Variants in DNAH11 observed in about 807,000 individuals in gnomAD.
The protein encoded by DNAH11 is dynein axonemal heavy chain 11, also known as axonemal beta dynein heavy chain 11.
In DNAH11, 442 loss-of-function variants were observed where a neutral mutation model predicts 526.0. The observed-to-expected ratio is 0.84, with a 90% CI of 0.78 to 0.91. The LOEUF (loss-of-function observed/expected upper bound fraction) is 0.91, where lower values mean the gene tolerates loss of function less well. DNAH11 is among the 40% of genes least tolerant of loss of function. The pLI is 0.00. For missense variants in DNAH11, 6,989 were observed against 5,448.7 expected (o/e 1.28, Z -8.90); for synonymous variants, 2,461 against 1,935.9 (o/e 1.27, Z -7.12).
chr7:21,870,673 A>G lies in DNAH11; in HGVS notation c.11967+1682A>G, dbSNP rs558032049. ...AATAAACTATTTCCATTACTTTTGT[A>G]TCTGTGCTGAGCTATTTGTTGCCCC... On this transcript the variant is annotated intron_variant, in intron 73 of 81. Transcript: ENST00000409508. 1.4e-3 allele frequency among the ~76,000 whole-genome samples: 218 copies of G among 152,300 alleles called. 1 individual carries two copies. Among genetic ancestry groups the G allele is most frequent in the Middle Eastern group, 0.01 (3 of 294 alleles).
intron 68 of DNAH11, among the ~76,000 whole-genome samples, chr7:21,859,782 C>T (rs1220754018): frequency 6.6e-6 from 1 of 152,036 alleles, no homozygotes; most frequent in Non-Finnish European, 1.5e-5. Flanking sequence ...ACGCCATTAT[C>T]ACCAAGGCAT....
chr7:21,841,572 A>G (rs1782204737), intron 65 of DNAH11, among the ~76,000 whole-genome samples: 1 of 151,392 alleles, frequency 6.6e-6, no homozygotes, highest in African/African-American at 2.5e-5. Flanking sequence ...GGTGAGCTGG[A>G]ATGTCTATAT....
intron 61 of DNAH11, 112 bp from the exon 62 acceptor site, chr7:21,801,025 A>AT: frequency 8.8e-7 from 1 of 1,138,968 alleles, no homozygotes; most frequent in Non-Finnish European, 1.3e-6. Context: ...GCAAAGGTTA[A>AT]TGGGGGGAAG....
chr7:21,615,272 A>G lies in DNAH11; in HGVS notation c.4011A>G (p.Arg1337=). The G allele has an allele frequency of 6.2e-7, 1 of 1,609,770 alleles. No individual in the cohort carries two copies. The highest frequency in any genetic ancestry group is 8.5e-7 in the Non-Finnish European group (1 of 1,177,816). Residue 1337 remains arginine (R), a splice_region_variant and synonymous_variant, in exon 21 of 82, where the codon CGA becomes CGG. Coordinates refer to ENST00000409508, the MANE Select transcript of DNAH11 (RefSeq NM_001277115.2). ...TGTGGGATGTCATTATTTATGTTCG[A>G]GTAAGATGTGCTTTTTCAAAACATG... is the stretch of plus-strand genomic sequence containing the variant. ...KGLWDVIIYV[R]RSIDNWTKTQ...
At chr7:21,688,303 A>G (rs992554423) in intron 34 of DNAH11, among the ~76,000 whole-genome samples, 8 of 152,180 alleles carry the variant, frequency 5.3e-5, no homozygotes, top group Non-Finnish European at 4.4e-5. Flanking sequence ...GACTACTGTG[A>G]TGATTAAATG....
At chr7:21,550,389 G>T (rs1782976126) in intron 2 of DNAH11, among the ~76,000 whole-genome samples, 1 of 152,124 alleles carries the variant, frequency 6.6e-6, no homozygotes, top group African/African-American at 2.4e-5. Flanking sequence ...TGGAGTATAT[G>T]GCCAGTATAT....
Position 21,739,472 on chromosome 7 carries a change from A to T in DNAH11, c.7812-99A>T, listed in dbSNP as rs977332130. The T allele has an allele frequency of 2.7e-5, 22 of 806,070 alleles. No individual in the cohort carries two copies. In the Admixed American group the frequency reaches 4.5e-4, roughly 16 times the overall value. 49.9% of individuals were successfully genotyped at this position (806,070 alleles called of 1,614,324 possible). A position where few individuals can be genotyped will look rare whatever the true frequency, so the allele number is the denominator to read the frequency against. On this transcript the variant is annotated intron_variant, in intron 47 of 81. Coordinates refer to ENST00000409508, the MANE Select transcript of DNAH11 (RefSeq NM_001277115.2). Reference sequence around the variant, plus strand: ...AACCTCACAGAGTGATTATGAAGATAAGGAGGTAATCTGCGATGAAGACCT... The same window carrying T: ...AACCTCACAGAGTGATTATGAAGATTAGGAGGTAATCTGCGATGAAGACCT...
chr7:21,551,013 G>A (rs891944399), intron 2 of DNAH11, among the ~76,000 whole-genome samples: 8 of 152,086 alleles, frequency 5.3e-5, no homozygotes, highest in Admixed American at 5.2e-4. Context: ...TATTTAGTGA[G>A]GGTATAAATC....
chr7:21,852,675 C>G (rs764603135), intron 67 of DNAH11, 44 bp downstream of exon 67: 2 of 1,518,104 alleles, frequency 1.3e-6, no homozygotes, highest in Non-Finnish European at 1.8e-6. Flanking sequence ...ATGCTCTGTT[C>G]GAATGAGACA....
rs375285611 is a variant in DNAH11 at position 21,689,845 on chromosome 7, T to C, written c.5925-920T>C. On this transcript the variant is annotated intron_variant, in intron 34 of 81. Transcript: ENST00000409508. The stretch of plus-strand genomic sequence containing the variant: ...TCAGCAATGCAAGAGATCAGCCTTA[T>C]ATTTTGTCTCGTTTACCCTCATTTG... 2.8e-4 allele frequency among the ~76,000 whole-genome samples: 42 copies of C among 152,326 alleles called. 1 individual carries two copies. The East Asian group carries it at 7.7e-3, about 28-fold the overall frequency.
intron 65 of DNAH11, among the ~76,000 whole-genome samples, chr7:21,825,647 G>T: frequency 1.3e-5 from 2 of 150,582 alleles, no homozygotes; most frequent in African/African-American, 2.4e-5. Context: ...ATTTTTGAAT[G>T]AACAAATTGA....
intron 6 of DNAH11, among the ~76,000 whole-genome samples, chr7:21,566,405 T>G (rs905038155): frequency 1.3e-5 from 2 of 152,192 alleles, no homozygotes; most frequent in African/African-American, 4.8e-5. Flanking sequence ...AGTTAACAAT[T>G]AGCCAATGTC....
intron 66 of DNAH11, among the ~76,000 whole-genome samples, chr7:21,852,166 A>G (rs957544700): frequency 2.0e-5 from 3 of 152,080 alleles, no homozygotes; most frequent in Non-Finnish European, 4.4e-5. Flanking sequence ...GCACTTTGGG[A>G]GGCCTAGGTG....
chr7:21,570,260 C>T lies in DNAH11; in HGVS notation c.1386C>T (p.Cys462=), dbSNP rs772549859. ...ATTTCCAGTCTCATCTGGTGTTTTG[C>T]AGATTTGACAAGTTTCTTGATCGTT... ...PWDFQSHLVF[C]RFDKFLDRLI... is the part of the protein sequence containing the mutation. Residue 462 remains cysteine, a synonymous_variant, in exon 7 of 82, where the codon TGC becomes TGT. Coordinates refer to ENST00000409508, the MANE Select transcript of DNAH11 (RefSeq NM_001277115.2). 1.2e-6 allele frequency: 2 copies of T among 1,610,136 alleles called. No homozygotes were observed. Among genetic ancestry groups the T allele is most frequent in the South Asian group, 1.1e-5 (1 of 89,940 alleles).
At chr7:21,702,160 A>T (rs1423346363) in intron 36 of DNAH11, among the ~76,000 whole-genome samples, 1 of 152,136 alleles carries the variant, frequency 6.6e-6, no homozygotes, top group Non-Finnish European at 1.5e-5. Context: ...CTGTGGGAGG[A>T]GTCTTCATTA....
At position 21,616,259 on chromosome 7, in the gene DNAH11, A is replaced by G. The variant is rs1785778629; in HGVS notation, c.4062A>G (p.Glu1354=). ...TKTQWRQIHV[E]QMDVELRRFA... ...CCCAGTGGAGACAGATTCATGTGGAACAGATGGATGTAGAACTCAGAAGGT... is the reference window on the plus strand; with the variant it reads ...CCCAGTGGAGACAGATTCATGTGGAGCAGATGGATGTAGAACTCAGAAGGT... Residue 1354 remains glutamate (E), a synonymous_variant, in exon 22 of 82, where the codon GAA becomes GAG. Coordinates refer to ENST00000409508, the MANE Select transcript of DNAH11 (RefSeq NM_001277115.2). 1 of 1,613,598 alleles carries G rather than the reference A, an allele frequency of 6.2e-7. No individual in the cohort carries two copies. The highest frequency in any genetic ancestry group is 8.5e-7 in the Non-Finnish European group (1 of 1,179,678).
In DNAH11 at chr7:21,588,530, G is replaced by T; in HGVS notation, c.1867G>T (p.Val623Phe). The T allele has an allele frequency of 6.2e-7, 1 of 1,613,684 alleles. No homozygotes were observed. Among genetic ancestry groups the T allele is most frequent in the African/African-American group, 1.3e-5 (1 of 75,008 alleles). ...HMKQIECGHVVLNKNMPFTSG... is the reference protein window; with the variant it reads ...HMKQIECGHVFLNKNMPFTSG... ...CTTGCAGATTGAATGTGGTCATGTA[G>T]TTCTTAACAAGAACATGCCATTTAC... The change falls in exon 11 of 82, where the codon GTT (valine) becomes TTT (phenylalanine). Residue 623 changes from valine to phenylalanine, a missense_variant. Val to Phe is a conservative substitution (Grantham distance 50). Transcript: ENST00000409508.
intron 61 of DNAH11, among the ~76,000 whole-genome samples, chr7:21,800,062 C>G (rs1230674123): frequency 6.6e-6 from 1 of 152,156 alleles, no homozygotes; most frequent in Non-Finnish European, 1.5e-5. Flanking sequence ...AACTCATGGA[C>G]AAAAGGTGAC....
chr7:21,677,788 G>A (rs1364571317), intron 30 of DNAH11, among the ~76,000 whole-genome samples: 1 of 152,190 alleles, frequency 6.6e-6, no homozygotes, highest in African/African-American at 2.4e-5. Context: ...TGGGTGTGAG[G>A]TGATAGCTCA....
Sources: allele counts gnomAD v4.1 joint callset (sites outside exome capture counted in the v4.1 genomes callset), GRCh38; gene constraint gnomAD v4.1.1; transcripts MANE v1.5; gene names NCBI Gene and HGNC (gene_info 2026-07-23, HGNC 2026-07-21).